Variants in PAN3 observed in about 807,000 individuals in gnomAD.
PAN3 encodes poly(A) specific ribonuclease subunit PAN3, also known as PAN2-PAN3 deadenylation complex subunit PAN3.
A neutral mutation model predicts 96.2 loss-of-function variants in PAN3; 19 were observed. That is an observed-to-expected ratio of 0.20 (90% CI 0.14 to 0.29). The LOEUF (loss-of-function observed/expected upper bound fraction) is 0.29, where lower values mean the gene tolerates loss of function less well. PAN3 is among the 10% of genes least tolerant of loss of function. The pLI is 1.00. For synonymous variants in PAN3, 433 were observed against 406.6 expected (o/e 1.06, Z -0.78); for missense variants, 882 against 1,108.1 (o/e 0.80, Z 2.90).
rs372182644 is a variant in PAN3, at chr13:28,150,218, A to G, written c.430+11131A>G. On this transcript the variant is annotated intron_variant, in intron 1 of 18. Transcript: ENST00000380958. ...GTCAGCTATCTCTGAAGCCTCCTTG[A>G]TACATGATGGGACAGGGAATCTTCT... Among the ~76,000 whole-genome samples the G allele has an allele frequency of 2.8e-4, 43 of 152,290 alleles. No individual in the cohort carries two copies. The East Asian group carries it at 5.8e-3, about 20-fold the overall frequency.
chr13:28,266,448 C>A (rs1238033460), intron 9 of PAN3, among the ~76,000 whole-genome samples: 1 of 152,028 alleles, frequency 6.6e-6, no homozygotes, highest in Non-Finnish European at 1.5e-5. Context: ...TTCTGAGGAA[C>A]AAATTTGTAT....
At chr13:28,280,750 G>A (rs978937987) in intron 16 of PAN3, among the ~76,000 whole-genome samples, 7 of 151,506 alleles carry the variant, frequency 4.6e-5, no homozygotes, top group African/African-American at 1.2e-4. Context: ...TAGTAGAGAC[G>A]GGGTTTCACC....
rs763204992 is a variant in PAN3 at position 28,235,722 on chromosome 13, C to CACATAT, written c.1000+15345_1000+15346insCATATA. ...ACACACACACACACACACACACACA[C>CACATAT]ATATATATATATATGTATTTATTTT... On this transcript the variant is annotated intron_variant, in intron 6 of 18. Transcript: ENST00000380958. Among the ~76,000 whole-genome samples, 40 of 149,064 alleles carry CACATAT rather than the reference C, an allele frequency of 2.7e-4. No individual in the cohort carries two copies. The East Asian group carries it at 3.3e-3, about 12-fold the overall frequency.
chr13:28,155,513 C>T (rs149297386), intron 1 of PAN3, among the ~76,000 whole-genome samples: 62 of 152,040 alleles, frequency 4.1e-4, no homozygotes, highest in African/African-American at 1.4e-3. Context: ...TGCATGACCC[C>T]GGGAGGTGGA....
chr13:28,206,315 CT>C (rs71086837), intron 5 of PAN3, among the ~76,000 whole-genome samples: 1,501 of 94,874 alleles, frequency 0.016, 11 homozygotes, highest in African/African-American at 0.054. Flanking sequence ...GTCTAACTGA[CT>C]TTTTTTTTTT....
intron 1 of PAN3, among the ~76,000 whole-genome samples, chr13:28,159,041 A>T (rs985971536): frequency 2.6e-5 from 4 of 152,210 alleles, no homozygotes; most frequent in African/African-American, 9.6e-5. Flanking sequence ...CTAGTGGGGA[A>T]AGCAGTTTCA....
chr13:28,268,917 A>C (rs550548006), intron 12 of PAN3, among the ~76,000 whole-genome samples: 1 of 152,130 alleles, frequency 6.6e-6, no homozygotes, highest in African/African-American at 2.4e-5. Context: ...TCCTTTTGCT[A>C]TGTCATCTGT....
intron 4 of PAN3, among the ~76,000 whole-genome samples, chr13:28,194,761 T>C (rs1322492502): frequency 6.6e-6 from 1 of 151,898 alleles, no homozygotes; most frequent in Non-Finnish European, 1.5e-5. Flanking sequence ...TGAGCCACCG[T>C]TCCCGGCCAA....
chr13:28,281,265 T>C (rs1278875581), intron 16 of PAN3, 50 bp from the exon 17 acceptor site: 1 of 1,509,382 alleles, frequency 6.6e-7, no homozygotes, highest in South Asian at 1.1e-5. Context: ...GGCTTTTATG[T>C]TCAGTTATCT....
In PAN3 at chr13:28,177,013, A is replaced by C. The variant is rs528874708; in HGVS notation, c.619+454A>C. On this transcript the variant is annotated intron_variant, in intron 3 of 18. Transcript: ENST00000380958. ...GAAGAAGGCAGAGAAATGAAGCAGC[A>C]GTCTATATGTACTACATTGTGAAGA... is the stretch of plus-strand genomic sequence containing the variant. Among the ~76,000 whole-genome samples, 7 of 152,286 alleles carry C rather than the reference A, an allele frequency of 4.6e-5. No individual in the cohort carries two copies. In the East Asian group the frequency reaches 1.2e-3, roughly 25 times the overall value.
At chr13:28,282,657 C>T (rs756167897) in intron 17 of PAN3, among the ~76,000 whole-genome samples, 4 of 152,182 alleles carry the variant, frequency 2.6e-5, no homozygotes, top group African/African-American at 4.8e-5. Context: ...AAACACCTCT[C>T]CCATGCGGTC....
chr13:28,205,861 TAAAAA>T (rs369273234), intron 5 of PAN3, among the ~76,000 whole-genome samples: 23 of 133,172 alleles, frequency 1.7e-4, no homozygotes, highest in Admixed American at 1.2e-3. Flanking sequence ...AACTGTTTCT[TAAAAA>T]AAAAAAAAAA....
chr13:28,259,054 T>G (rs1885456526), intron 7 of PAN3, among the ~76,000 whole-genome samples: 1 of 152,192 alleles, frequency 6.6e-6, no homozygotes, highest in Non-Finnish European at 1.5e-5. Flanking sequence ...GTGACATTTC[T>G]TCCAAAGAGC....
rs1208431069 is a variant in PAN3, at chr13:28,138,877, G to C, written c.220G>C (p.Gly74Arg). The C allele has an allele frequency of 1.4e-6, 2 of 1,419,180 alleles. No homozygotes were observed. The highest frequency in any genetic ancestry group is 1.8e-6 in the Non-Finnish European group (2 of 1,090,350). 87.9% of individuals were successfully genotyped at this position (1,419,180 alleles called of 1,614,324 possible). A position where few individuals can be genotyped will look rare whatever the true frequency, so the allele number is the denominator to read the frequency against. The change falls in exon 1 of 19, where the codon GGG becomes CGG. Residue 74 changes from glycine to arginine, a missense_variant. By Grantham distance (125) the Gly-to-Arg change is moderately radical (BLOSUM62 -2). This residue lies in a region of PAN3 where 442 missense variants were observed against 422.8 expected (regional missense o/e 1.05). Transcript: ENST00000380958. ...GTTCCTGCATGAGGACCCTGCCGCC[G>C]GGGCTGCCCCGGGCCTCGGCCTCCA... ...CQFLHEDPAA[G>R]AAPGLGLHSN...
intron 6 of PAN3, among the ~76,000 whole-genome samples, chr13:28,235,784 T>A (rs1400396611): frequency 6.6e-6 from 1 of 151,704 alleles, no homozygotes; most frequent in African/African-American, 2.4e-5. Context: ...GAGCAGTGGC[T>A]CGATTGTAGC....
At chr13:28,281,550 C>G (rs1887467818) in intron 17 of PAN3, among the ~76,000 whole-genome samples, 171 bp downstream of exon 17, 1 of 152,162 alleles carries the variant, frequency 6.6e-6, no homozygotes. Context: ...CTAGGTGTGG[C>G]TGTCCTTACG....
At chr13:28,251,896 G>GTTTGTTTA (rs1336849432) in intron 6 of PAN3, among the ~76,000 whole-genome samples, 1 of 151,804 alleles carries the variant, frequency 6.6e-6, no homozygotes, top group African/African-American at 2.4e-5. Flanking sequence ...TTGTTTGTTT[G>GTTTGTTTA]TTTGGTTTTG....
intron 5 of PAN3, among the ~76,000 whole-genome samples, chr13:28,198,649 CT>C (rs1186568075): frequency 3.3e-5 from 5 of 152,032 alleles, no homozygotes; most frequent in Non-Finnish European, 7.4e-5. Context: ...GATAATTATT[CT>C]GTAATATTGT....
At chr13:28,144,625 C>T (rs959640641) in intron 1 of PAN3, among the ~76,000 whole-genome samples, 6 of 151,176 alleles carry the variant, frequency 4.0e-5, no homozygotes, top group African/African-American at 7.3e-5. Context: ...TGAGATCGGG[C>T]GTGTTCAGAG....
Sources: gnomAD v4.1 joint callset for allele counts (sites outside exome capture counted in the v4.1 genomes callset) on GRCh38, gnomAD v4.1.1 for gene constraint, gnomAD v4.1.1 regional missense constraint, MANE v1.5 for transcripts, NCBI Gene and HGNC (gene_info 2026-07-23, HGNC 2026-07-21) for gene names.